The following MGAT4C variants were observed in gnomAD, a reference collection of about 807,000 sequenced individuals.
MGAT4C encodes MGAT4 family member C.
Under a neutral mutation model 40.1 loss-of-function variants are expected in MGAT4C, and 19 were observed. The observed-to-expected ratio is 0.47, with a 90% CI of 0.33 to 0.70. The LOEUF (loss-of-function observed/expected upper bound fraction) is 0.70, where lower values mean the gene tolerates loss of function less well. Among genes scored for constraint, MGAT4C ranks in the 30% least tolerant of loss-of-function variants. MGAT4C has a pLI of 0.02. For synonymous variants in MGAT4C, 181 were observed against 187.1 expected (o/e 0.97, Z 0.27); for missense variants, 491 against 563.2 (o/e 0.87, Z 1.30).
Position 86,825,695 on chromosome 12 carries a change from T to C in MGAT4C, c.-262+12971A>G, listed in dbSNP as rs1310523153. Among the ~76,000 whole-genome samples the C allele has an allele frequency of 2.0e-5, 3 of 151,626 alleles. No homozygotes were observed. In the South Asian group the frequency reaches 6.2e-4, roughly 31 times the overall value. On this transcript the variant is annotated intron_variant, in intron 1 of 7. Transcript: ENST00000548651. The stretch of plus-strand genomic sequence containing the variant: ...AGAATATTTAAAGACATAAAATATA[T>C]AGTTCTAGTAAATGATGGAGCTAGA...
At chr12:86,448,751 C>G (rs2136285143) in intron 2 of MGAT4C, among the ~76,000 whole-genome samples, 1 of 152,204 alleles carries the variant, frequency 6.6e-6, no homozygotes, top group South Asian at 2.1e-4. Context: ...GTGTTTAACT[C>G]AACTTTATGT....
At chr12:86,650,089 T>C (rs1438524002) in intron 2 of MGAT4C, among the ~76,000 whole-genome samples, 2 of 151,880 alleles carry the variant, frequency 1.3e-5, no homozygotes, top group African/African-American at 4.8e-5. Flanking sequence ...TACTTTTTCA[T>C]GGCATTCTAT....
rs146205488 is a variant in MGAT4C at position 86,685,492 on chromosome 12, T to G, written c.-229+41717A>C. Reference sequence around the variant, plus strand: ...TGCCTCCAAATTTGTTCTTTTTGCTTAGGATTGCCTTGGCTACACAGGCTC... The same window carrying G: ...TGCCTCCAAATTTGTTCTTTTTGCTGAGGATTGCCTTGGCTACACAGGCTC... On this transcript the variant is annotated intron_variant, in intron 2 of 7. Coordinates refer to the MGAT4C transcript ENST00000548651. Among the ~76,000 whole-genome samples the G allele has an allele frequency of 8.1e-4, 123 of 152,264 alleles. 1 individual carries two copies. The East Asian group carries it at 0.023, about 29-fold the overall frequency.
chr12:86,345,510 G>A (rs1381483432), intron 3 of MGAT4C, among the ~76,000 whole-genome samples: 1 of 151,570 alleles, frequency 6.6e-6, no homozygotes. Flanking sequence ...CCACCTATGA[G>A]TGAGAACATG....
At chr12:86,423,725 T>C (rs1038442701) in intron 3 of MGAT4C, among the ~76,000 whole-genome samples, 1 of 152,208 alleles carries the variant, frequency 6.6e-6, no homozygotes. Context: ...TCATAATGTA[T>C]TGAACATTAC....
At chr12:86,451,300 AT>A (rs1278106285) in intron 2 of MGAT4C, among the ~76,000 whole-genome samples, 1 of 152,098 alleles carries the variant, frequency 6.6e-6, no homozygotes, top group Non-Finnish European at 1.5e-5. Flanking sequence ...TACCTCCATG[AT>A]TGAAACCTGG....
intron 1 of MGAT4C, among the ~76,000 whole-genome samples, chr12:86,806,518 CACT>C (rs1215948454): frequency 6.6e-6 from 1 of 151,686 alleles, no homozygotes; most frequent in African/African-American, 2.4e-5. Context: ...TTCATATATA[CACT>C]ACTACACTCA....
intron 2 of MGAT4C, among the ~76,000 whole-genome samples, chr12:86,627,391 G>A (rs1443016544): frequency 1.3e-5 from 2 of 152,178 alleles, no homozygotes; most frequent in Non-Finnish European, 2.9e-5. Flanking sequence ...TGGTGTTTGA[G>A]CTCTGAGAAT....
chr12:86,088,059 C>T (rs544242176), intron 1 of MGAT4C, among the ~76,000 whole-genome samples: 3 of 151,524 alleles, frequency 2.0e-5, no homozygotes, highest in Non-Finnish European at 4.4e-5. Context: ...AGAACAGAAC[C>T]CAGAAATAAC....
At chr12:86,476,261 C>T in intron 2 of MGAT4C, among the ~76,000 whole-genome samples, 1 of 152,010 alleles carries the variant, frequency 6.6e-6, no homozygotes, top group East Asian at 1.9e-4. Context: ...CAAATAACCC[C>T]ATTAAAAATG....
intron 1 of MGAT4C, among the ~76,000 whole-genome samples, chr12:86,804,295 T>C (rs867662457): frequency 7.3e-6 from 1 of 136,240 alleles, no homozygotes; most frequent in African/African-American, 2.7e-5. Context: ...AGGGATAGCA[T>C]TGGGAGATAT....
intron 2 of MGAT4C, among the ~76,000 whole-genome samples, chr12:86,020,774 G>T (rs1213892913): frequency 6.6e-6 from 1 of 152,116 alleles, no homozygotes; most frequent in Non-Finnish European, 1.5e-5. Context: ...CACAGCAAAA[G>T]AAACTACCAT....
At chr12:86,368,838 G>A (rs1350005634) in intron 3 of MGAT4C, among the ~76,000 whole-genome samples, 1 of 151,868 alleles carries the variant, frequency 6.6e-6, no homozygotes, top group East Asian at 1.9e-4. Context: ...ATGTGCTCTT[G>A]AAAAGAAAAT....
At chr12:86,137,353 C>T (rs1209700988) in intron 1 of MGAT4C, among the ~76,000 whole-genome samples, 2 of 152,158 alleles carry the variant, frequency 1.3e-5, no homozygotes, top group Non-Finnish European at 1.5e-5. Context: ...ACTTTTGCAA[C>T]AGCTTCCCAT....
chr12:86,072,711 G>C (rs1347299480), intron 1 of MGAT4C, among the ~76,000 whole-genome samples: 1 of 152,078 alleles, frequency 6.6e-6, no homozygotes, highest in African/African-American at 2.4e-5. Flanking sequence ...TTGTGAGGGA[G>C]AGAAATTTCC....
At chr12:86,528,781 C>T (rs1958928181) in intron 2 of MGAT4C, among the ~76,000 whole-genome samples, 1 of 151,572 alleles carries the variant, frequency 6.6e-6, no homozygotes, top group African/African-American at 2.4e-5. Flanking sequence ...TATTTATTTT[C>T]CTTTCACTCC....
intron 3 of MGAT4C, among the ~76,000 whole-genome samples, chr12:86,358,859 C>T (rs1232407522): frequency 6.6e-6 from 1 of 152,168 alleles, no homozygotes; most frequent in African/African-American, 2.4e-5. Flanking sequence ...GAGACTTGGA[C>T]TCCCACACAA....
At chr12:86,551,318 A>C (rs964957602) in intron 2 of MGAT4C, among the ~76,000 whole-genome samples, 1 of 152,214 alleles carries the variant, frequency 6.6e-6, no homozygotes, top group Non-Finnish European at 1.5e-5. Flanking sequence ...GCACATAGCC[A>C]AGGCAGCCAA....
chr12:86,254,298 A>G (rs2136083603), intron 1 of MGAT4C, among the ~76,000 whole-genome samples: 1 of 152,120 alleles, frequency 6.6e-6, no homozygotes, highest in South Asian at 2.1e-4. Flanking sequence ...TGCGTTGTAT[A>G]AAGTTGTCCA....
Sources: gnomAD v4.1 joint callset for allele counts (sites outside exome capture counted in the v4.1 genomes callset) on GRCh38, gnomAD v4.1.1 for gene constraint, MANE v1.5 for transcripts, NCBI Gene and HGNC (gene_info 2026-07-23, HGNC 2026-07-21) for gene names.